Variants in OPCML observed in about 807,000 individuals in gnomAD.
The protein encoded by OPCML is opioid binding protein/cell adhesion molecule like.
In OPCML, 13 loss-of-function variants were observed where a neutral mutation model predicts 37.8. The ratio of observed to expected loss-of-function variants is 0.34; its 90% confidence interval spans 0.22 to 0.55. The LOEUF (loss-of-function observed/expected upper bound fraction) is 0.55, where lower values mean the gene tolerates loss of function less well. OPCML is among the 20% of genes least tolerant of loss of function. The pLI is 0.91. For missense variants in OPCML, 341 were observed against 435.6 expected, an observed-to-expected ratio of 0.78 and a Z score of 1.93; for synonymous variants, 176 against 168.8, an observed-to-expected ratio of 1.04 and a Z score of -0.33.
intron 2 of OPCML, among the ~76,000 whole-genome samples, chr11:132,778,139 G>A (rs1272520077): frequency 6.6e-6 from 1 of 152,196 alleles, no homozygotes; most frequent in East Asian, 1.9e-4. Context: ...GGGAGCAAAG[G>A]CATGTTGTGT....
intron 1 of OPCML, among the ~76,000 whole-genome samples, chr11:133,403,712 T>C (rs543953081): frequency 6.6e-6 from 1 of 152,348 alleles, no homozygotes; most frequent in East Asian, 1.9e-4. Flanking sequence ...GAAAGGAAAT[T>C]GGCAAGTTGA....
chr11:133,314,192 G>A lies in OPCML; in HGVS notation c.61+218072C>T, dbSNP rs1235300240. ...GGAGCTTGCAGTGAGCCGAGATCGCGCCACTGCACTCCAGCCTGGGCTACA... is the reference window on the plus strand; with the variant it reads ...GGAGCTTGCAGTGAGCCGAGATCGCACCACTGCACTCCAGCCTGGGCTACA... On this transcript the variant is annotated intron_variant, in intron 1 of 7. Transcript: ENST00000524381. 1.8e-4 allele frequency among the ~76,000 whole-genome samples: 23 copies of A among 126,092 alleles called. 1 individual carries two copies. The highest frequency in any genetic ancestry group is 2.6e-4 in the South Asian group (1 of 3,882). 82.7% of individuals were successfully genotyped at this position (126,092 alleles called of 152,430 possible). A position where few individuals can be genotyped will look rare whatever the true frequency, so the allele number is the denominator to read the frequency against.
At chr11:133,469,923 T>C (rs866337087) in intron 1 of OPCML, among the ~76,000 whole-genome samples, 3 of 152,352 alleles carry the variant, frequency 2.0e-5, no homozygotes, top group Admixed American at 6.5e-5. Context: ...AAGTTCACAA[T>C]AATCTCTGCC....
intron 1 of OPCML, among the ~76,000 whole-genome samples, chr11:133,199,385 T>C (rs1254215352): frequency 2.6e-5 from 4 of 152,248 alleles, no homozygotes; most frequent in Admixed American, 2.0e-4. Context: ...TGTTTTTTAG[T>C]TTTAAGAAAT....
chr11:133,201,958 C>T (rs748742831), intron 1 of OPCML, among the ~76,000 whole-genome samples: 22 of 152,256 alleles, frequency 1.4e-4, no homozygotes, highest in Non-Finnish European at 2.8e-4. Flanking sequence ...TATTGTTCAA[C>T]GTGCTGAGAA....
rs565866309 is a variant in OPCML, at chr11:133,478,884, C to A, written c.61+53380G>T. ...GCTACTCACCCTGGAGCTGTGGCACCTGAGGCACCAGAGTTAAATAAAGAA... is the reference window on the plus strand; with the variant it reads ...GCTACTCACCCTGGAGCTGTGGCACATGAGGCACCAGAGTTAAATAAAGAA... On this transcript the variant is annotated intron_variant, in intron 1 of 7. Coordinates refer to ENST00000524381, the MANE Select transcript of OPCML (RefSeq NM_001012393.5). Among the ~76,000 whole-genome samples, 228 of 152,008 alleles carry A rather than the reference C, an allele frequency of 1.5e-3. 1 individual carries two copies. The highest frequency in any genetic ancestry group is 6.8e-3 in the Middle Eastern group (2 of 294).
At chr11:132,552,958 G>A (rs2096385732) in intron 3 of OPCML, among the ~76,000 whole-genome samples, 1 of 151,882 alleles carries the variant, frequency 6.6e-6, no homozygotes, top group African/African-American at 2.4e-5. Context: ...TAGATACGGT[G>A]TTTCACAGTG....
chr11:133,107,770 C>T (rs964681415), intron 1 of OPCML, among the ~76,000 whole-genome samples: 4 of 150,510 alleles, frequency 2.7e-5, no homozygotes, highest in African/African-American at 9.8e-5. Context: ...CAGAATGATG[C>T]TCTCTTGACA....
At chr11:133,079,485 A>G (rs1023635582) in intron 1 of OPCML, among the ~76,000 whole-genome samples, 4 of 152,162 alleles carry the variant, frequency 2.6e-5, no homozygotes, top group African/African-American at 9.7e-5. Flanking sequence ...TTCCTTTCAG[A>G]TAAATCAAAA....
chr11:133,076,285 T>C (rs1459289011), intron 1 of OPCML, among the ~76,000 whole-genome samples: 2 of 152,194 alleles, frequency 1.3e-5, no homozygotes, highest in African/African-American at 2.4e-5. Flanking sequence ...AAATAGTTTG[T>C]CCCCCTTCCC....
chr11:132,640,546 T>A (rs1170396709), intron 3 of OPCML, among the ~76,000 whole-genome samples: 1 of 152,152 alleles, frequency 6.6e-6, no homozygotes, highest in Non-Finnish European at 1.5e-5. Context: ...TATTGATTAC[T>A]CATTACATGC....
chr11:132,513,799 C>T (rs2096273977), intron 4 of OPCML, among the ~76,000 whole-genome samples: 1 of 152,318 alleles, frequency 6.6e-6, no homozygotes, highest in Admixed American at 6.5e-5. Context: ...GAACCTACAA[C>T]ATGATGAATA....
In OPCML at chr11:132,949,155, C is replaced by G. The variant is rs146159768; in HGVS notation, c.62-6145G>C. ...GAAACTGACAGGTAGTATCTGCAAC[C>G]TGGAGAAGATAGAATGCCCCAGAGA... On this transcript the variant is annotated intron_variant, in intron 1 of 7. Coordinates refer to ENST00000524381, the MANE Select transcript of OPCML (RefSeq NM_001012393.5). Among the ~76,000 whole-genome samples, 665 of 152,284 alleles carry G rather than the reference C, an allele frequency of 4.4e-3. 5 individuals are homozygous for G. Among genetic ancestry groups the G allele is most frequent in the African/African-American group, 0.015 (605 of 41,554 alleles).
intron 1 of OPCML, among the ~76,000 whole-genome samples, chr11:133,194,030 A>G (rs1283959563): frequency 1.3e-5 from 2 of 152,180 alleles, no homozygotes; most frequent in African/African-American, 4.8e-5. Flanking sequence ...GCTCTGTCCT[A>G]GATATAAATG....
intron 1 of OPCML, among the ~76,000 whole-genome samples, chr11:133,483,311 C>CAGATAGATAGATAGATAGATAGATAGAT (rs10527085): frequency 2.6e-4 from 38 of 148,422 alleles, no homozygotes; most frequent in East Asian, 5.9e-4. Flanking sequence ...GATAGATAGG[C>CAGATAGATAGATAGATAGATAGATAGAT]AGATAGATAG....
intron 1 of OPCML, among the ~76,000 whole-genome samples, chr11:133,339,687 C>G (rs2136667015): frequency 6.6e-6 from 1 of 152,310 alleles, no homozygotes; most frequent in Non-Finnish European, 1.5e-5. Flanking sequence ...CAAGCCTACC[C>G]TTGTCTCCTG....
chr11:132,528,977 T>G (rs1371884172), intron 4 of OPCML, 84 bp downstream of exon 4: 1 of 734,156 alleles, frequency 1.4e-6, no homozygotes, highest in Non-Finnish European at 2.2e-6. Context: ...CAAAATGTTT[T>G]CTGATTCCTG....
At chr11:133,115,531 G>A (rs1949319162) in intron 1 of OPCML, among the ~76,000 whole-genome samples, 1 of 151,978 alleles carries the variant, frequency 6.6e-6, no homozygotes, top group African/African-American at 2.4e-5. Context: ...CAAAAACACA[G>A]GCAGAGCTAT....
At chr11:133,532,166 C>T in intron 1 of OPCML, 98 bp downstream of exon 1, 1 of 1,540,038 alleles carries the variant, frequency 6.5e-7, no homozygotes, top group Non-Finnish European at 8.8e-7. Flanking sequence ...CCTGTCCTCA[C>T]CCCTTCCTCC....
Sources: gnomAD v4.1 joint callset for allele counts (sites outside exome capture counted in the v4.1 genomes callset) on GRCh38, gnomAD v4.1.1 for gene constraint, MANE v1.5 for transcripts, NCBI Gene and HGNC (gene_info 2026-07-23, HGNC 2026-07-21) for gene names.